The following TRPM3 variants were observed in gnomAD, a reference collection of about 807,000 sequenced individuals.
TRPM3 encodes long transient receptor potential channel 3.
A neutral mutation model predicts 181.2 loss-of-function variants in TRPM3; 77 were observed. The observed-to-expected ratio is 0.42, with a 90% CI of 0.35 to 0.51. The LOEUF is 0.51. Among genes scored for constraint, TRPM3 ranks in the 20% least tolerant of loss-of-function variants. The probability of loss-of-function intolerance (pLI) is 0.01; values close to 1 mark genes in which losing one functional copy is unlikely to be tolerated. For synonymous variants in TRPM3, 745 were observed against 796.4 expected (o/e 0.94, Z 1.09); for missense variants, 1,759 against 2,196.7 (o/e 0.80, Z 3.98).
intron 3 of TRPM3, among the ~76,000 whole-genome samples, chr9:70,852,541 T>A (rs1401923016): frequency 6.6e-6 from 1 of 152,148 alleles, no homozygotes; most frequent in African/African-American, 2.4e-5. Flanking sequence ...TTTCTCTATT[T>A]CTTCAGTTGC....
chr9:70,923,824 C>CTATATA (rs1314329889), intron 1 of TRPM3, among the ~76,000 whole-genome samples: 1 of 142,480 alleles, frequency 7.0e-6, no homozygotes, highest in Non-Finnish European at 1.5e-5. Flanking sequence ...CTCTCTCTCT[C>CTATATA]TCTCTATATA....
intron 7 of TRPM3, among the ~76,000 whole-genome samples, chr9:70,764,720 G>A (rs76399398): frequency 5.6e-4 from 85 of 152,198 alleles, no homozygotes; most frequent in African/African-American, 2.0e-3. Flanking sequence ...TATTACAGGT[G>A]GAACAAAGGT....
intron 1 of TRPM3, among the ~76,000 whole-genome samples, chr9:70,978,249 T>C (rs953165746): frequency 3.3e-5 from 5 of 152,242 alleles, no homozygotes; most frequent in African/African-American, 1.2e-4. Context: ...GTAGCGCAGC[T>C]ATGACTAACC....
At chr9:70,644,698 T>A (rs770304778) in intron 9 of TRPM3, among the ~76,000 whole-genome samples, 3 of 152,170 alleles carry the variant, frequency 2.0e-5, no homozygotes, top group Non-Finnish European at 4.4e-5. Context: ...GTACTGGAAG[T>A]TCTGGCCAGG....
chr9:70,616,505 A>G (rs2062792833), intron 17 of TRPM3, among the ~76,000 whole-genome samples: 1 of 67,876 alleles, frequency 1.5e-5, no homozygotes, highest in Non-Finnish European at 3.2e-5. Flanking sequence ...ACATCTGTCC[A>G]CTGGCATTTT....
chr9:71,404,608 T>C (rs1163564272), intron 1 of TRPM3, among the ~76,000 whole-genome samples: 1 of 152,168 alleles, frequency 6.6e-6, no homozygotes, highest in Non-Finnish European at 1.5e-5. Flanking sequence ...TTTGTTGCCT[T>C]GCTGGCTCTG....
intron 1 of TRPM3, among the ~76,000 whole-genome samples, chr9:71,022,081 A>T (rs2097851624): frequency 6.6e-6 from 1 of 152,196 alleles, no homozygotes; most frequent in Non-Finnish European, 1.5e-5. Context: ...GTTTCAAAGC[A>T]GCTAAAGCAA....
At chr9:71,016,626 T>C (rs1027309669) in intron 1 of TRPM3, among the ~76,000 whole-genome samples, 1 of 152,218 alleles carries the variant, frequency 6.6e-6, no homozygotes, top group African/African-American at 2.4e-5. Context: ...TATGCCATTA[T>C]GTGTATATTC....
At chr9:70,793,459 A>G (rs1258193802) in intron 6 of TRPM3, 1 of 99,966 alleles carries the variant, frequency 1.0e-5, no homozygotes, top group Admixed American at 1.2e-4. Context: ...TTGTCTCAAA[A>G]AAAAAAAAAA....
Position 70,529,083 on chromosome 9 carries a change from T to A in TRPM3, c.*6870A>T, listed in dbSNP as rs2040505803. ...AGTCATGTTTTAAACTACTGAGTTT[T>A]TTTTTTTATTGCAAAACATTTGTTA... On this transcript the variant is annotated 3_prime_UTR_variant, in exon 26 of 26. Coordinates refer to ENST00000677713, the MANE Select transcript of TRPM3 (RefSeq NM_001366145.2). 6.6e-6 allele frequency: 1 copy of A among 152,178 alleles called. No homozygotes were observed. Among genetic ancestry groups the A allele is most frequent in the Non-Finnish European group, 1.5e-5 (1 of 68,024 alleles). 9.4% of individuals were successfully genotyped at this position (152,178 alleles called of 1,614,324 possible).
chr9:70,773,866 T>C (rs1256385856), intron 7 of TRPM3, among the ~76,000 whole-genome samples: 1 of 152,210 alleles, frequency 6.6e-6, no homozygotes, highest in African/African-American at 2.4e-5. Flanking sequence ...ATTTTTCCTG[T>C]TGGTTTCATG....
At chr9:71,086,443 A>G (rs1031077516) in intron 1 of TRPM3, among the ~76,000 whole-genome samples, 4 of 152,076 alleles carry the variant, frequency 2.6e-5, no homozygotes, top group East Asian at 1.9e-4. Context: ...ATCATAATGG[A>G]CCACTGACAT....
At chr9:71,293,387 A>G (rs2085987290) in intron 1 of TRPM3, among the ~76,000 whole-genome samples, 1 of 151,906 alleles carries the variant, frequency 6.6e-6, no homozygotes, top group Non-Finnish European at 1.5e-5. Context: ...AGAAAACTTA[A>G]GCATTTCCAA....
At chr9:70,855,034 C>G (rs759097494) in intron 3 of TRPM3, among the ~76,000 whole-genome samples, 1 of 152,188 alleles carries the variant, frequency 6.6e-6, no homozygotes, top group Non-Finnish European at 1.5e-5. Context: ...CTAAAACTCT[C>G]AAGTTTTTGC....
At chr9:70,562,796 G>A (rs10217626) in intron 22 of TRPM3, among the ~76,000 whole-genome samples, 13,127 of 152,096 alleles carry the variant, frequency 0.086, 793 homozygotes, top group African/African-American at 0.18. Context: ...TTTGCATCAG[G>A]AATTAATATC....
intron 1 of TRPM3, among the ~76,000 whole-genome samples, chr9:70,887,512 A>T (rs2096110543): frequency 6.6e-6 from 1 of 152,206 alleles, no homozygotes; most frequent in Admixed American, 6.5e-5. Context: ...ATTTTATGCT[A>T]TGATATTTAT....
chr9:70,948,239 G>A (rs1034096794), intron 1 of TRPM3, among the ~76,000 whole-genome samples: 1 of 151,768 alleles, frequency 6.6e-6, no homozygotes. Flanking sequence ...TCTTCTCCTG[G>A]ACTTGAAAGA....
At chr9:70,547,612 C>T (rs1054582486) in intron 25 of TRPM3, among the ~76,000 whole-genome samples, 13 of 151,558 alleles carry the variant, frequency 8.6e-5, no homozygotes, top group African/African-American at 3.1e-4. Flanking sequence ...ACAGAAGCAG[C>T]AGAATGAAGC....
At position 70,531,329 on chromosome 9, in the gene TRPM3, G is replaced by C. The variant is rs1158456921; in HGVS notation, c.*4624C>G. 2 of 150,686 alleles carry C rather than the reference G, an allele frequency of 1.3e-5. No individual in the cohort carries two copies. The highest frequency in any genetic ancestry group is 6.6e-5 in the Admixed American group (1 of 15,198). The allele number at this position is 150,686 out of a possible 1,614,324, so 9.3% of individuals were successfully genotyped here. The stretch of plus-strand genomic sequence containing the variant: ...AAAATCCCTTGGTTACTTTTTTTTT[G>C]TTTTTAATTTTTCAAAACTGAACAT... On this transcript the variant is annotated 3_prime_UTR_variant, in exon 26 of 26. Coordinates refer to ENST00000677713, the MANE Select transcript of TRPM3 (RefSeq NM_001366145.2).
Sources: allele counts gnomAD v4.1 joint callset (sites outside exome capture counted in the v4.1 genomes callset), GRCh38; gene constraint gnomAD v4.1.1; transcripts MANE v1.5; gene names NCBI Gene and HGNC (gene_info 2026-07-23, HGNC 2026-07-21).